The following CPA3 variants were observed in gnomAD, a reference collection of about 807,000 sequenced individuals.
The protein encoded by CPA3 is carboxypeptidase A3.
A neutral mutation model predicts 55.8 loss-of-function variants in CPA3; 52 were observed. That is an observed-to-expected ratio of 0.93 (90% CI 0.75 to 1.17). The LOEUF (loss-of-function observed/expected upper bound fraction) is 1.17, where lower values mean the gene tolerates loss of function less well. Among genes scored for constraint, CPA3 ranks in the 50% most tolerant of loss-of-function variants. The pLI is 0.00. For synonymous variants in CPA3, 179 were observed against 171.2 expected (o/e 1.05, Z -0.36); for missense variants, 547 against 509.1 (o/e 1.07, Z -0.72).
At chr3:148,869,714 C>A (rs564926070) in intron 3 of CPA3, among the ~76,000 whole-genome samples, 1 of 152,142 alleles carries the variant, frequency 6.6e-6, no homozygotes, top group Admixed American at 6.5e-5. Flanking sequence ...GAGCAGCAAC[C>A]ATGGGCCATG....
intron 3 of CPA3, among the ~76,000 whole-genome samples, chr3:148,874,605 A>G (rs1044912723): frequency 3.3e-5 from 5 of 152,234 alleles, no homozygotes; most frequent in African/African-American, 1.2e-4. Flanking sequence ...GATATGATGT[A>G]CATAATGATG....
intron 6 of CPA3, among the ~76,000 whole-genome samples, chr3:148,880,335 CTTT>C (rs35154297): frequency 2.2e-5 from 3 of 136,206 alleles, no homozygotes. Context: ...TCACTTTTTT[CTTT>C]TTTTTTTTTT....
chr3:148,866,376 T>C (rs1246053064), intron 2 of CPA3, among the ~76,000 whole-genome samples: 1 of 152,156 alleles, frequency 6.6e-6, no homozygotes, highest in Non-Finnish European at 1.5e-5. Flanking sequence ...TCACTCTACC[T>C]CTTGCAAGGA....
chr3:148,866,483 G>A (rs1713903894), intron 2 of CPA3, among the ~76,000 whole-genome samples: 2 of 152,300 alleles, frequency 1.3e-5, no homozygotes, highest in South Asian at 4.1e-4. Context: ...TCTAAAACTT[G>A]ACAATTGCAT....
At position 148,865,325 on chromosome 3, in the gene CPA3, T is replaced by C; in HGVS notation, c.18T>C (p.Pro6=). 1 of 1,614,176 alleles carries C rather than the reference T, an allele frequency of 6.2e-7. No homozygotes were observed. Among genetic ancestry groups the C allele is most frequent in the Admixed American group, 1.7e-5 (1 of 60,026 alleles). ...GAAGAACCATGAGGCTCATCCTGCCTGTGGGTTTGATTGCTACCACTCTTG... is the reference window on the plus strand; with the variant it reads ...GAAGAACCATGAGGCTCATCCTGCCCGTGGGTTTGATTGCTACCACTCTTG... MRLIL[P]VGLIATTLAI... is the part of the protein sequence containing the mutation. Residue 6 remains proline (P), a synonymous_variant, in exon 1 of 11, where the codon CCT becomes CCC. Transcript: ENST00000296046.
At chr3:148,868,865 G>T in intron 2 of CPA3, 50 bp from the exon 3 acceptor site, 1 of 1,592,696 alleles carries the variant, frequency 6.3e-7, no homozygotes. Context: ...TAATCAATAA[G>T]TGTTGGGTAA....
chr3:148,894,364 A>G (rs1056566491), intron 10 of CPA3, among the ~76,000 whole-genome samples: 3 of 152,068 alleles, frequency 2.0e-5, no homozygotes, highest in Non-Finnish European at 2.9e-5. Flanking sequence ...AAACTAAGCA[A>G]GTGAGACTAT....
At chr3:148,867,341 C>T (rs1202925124) in intron 2 of CPA3, among the ~76,000 whole-genome samples, 1 of 152,244 alleles carries the variant, frequency 6.6e-6, no homozygotes, top group Non-Finnish European at 1.5e-5. Context: ...GTTTTGGCTG[C>T]TCCTTGTGCT....
At chr3:148,881,405 A>G (rs1714362232) in intron 6 of CPA3, 117 bp from the exon 7 acceptor site, 1 of 599,008 alleles carries the variant, frequency 1.7e-6, no homozygotes, top group African/African-American at 1.9e-5. Flanking sequence ...TAGGGAAAAT[A>G]TGCTTGAAAA....
chr3:148,886,207 T>TTTTCCCTAA, intron 10 of CPA3, 30 bp downstream of exon 10: 1 of 1,422,424 alleles, frequency 7.0e-7, no homozygotes, highest in African/African-American at 1.5e-5. Flanking sequence ...TACTGAGCCC[T>TTTTCCCTAA]TTTCCCTAAT....
At chr3:148,888,242 A>G (rs1158651598) in intron 10 of CPA3, among the ~76,000 whole-genome samples, 1 of 152,254 alleles carries the variant, frequency 6.6e-6, no homozygotes, top group Non-Finnish European at 1.5e-5. Flanking sequence ...AAAATGCCGG[A>G]ATCAACATAT....
chr3:148,870,882 A>AGG (rs1714046106), intron 3 of CPA3, among the ~76,000 whole-genome samples: 1 of 152,176 alleles, frequency 6.6e-6, no homozygotes, highest in Non-Finnish European at 1.5e-5. Context: ...TATCTTAAAT[A>AGG]ACCCCTGGTT....
intron 5 of CPA3, 62 bp downstream of exon 5, chr3:148,878,810 A>T: frequency 1.0e-6 from 1 of 967,504 alleles, no homozygotes; most frequent in Non-Finnish European, 1.6e-6. Context: ...TTTAAAAGTT[A>T]CTTTGTAACA....
At chr3:148,874,611 T>C (rs1714161219) in intron 3 of CPA3, among the ~76,000 whole-genome samples, 1 of 152,170 alleles carries the variant, frequency 6.6e-6, no homozygotes, top group Admixed American at 6.5e-5. Context: ...ATGTACATAA[T>C]GATGTGCTTG....
chr3:148,895,642 T>C (rs1465846928), intron 10 of CPA3, among the ~76,000 whole-genome samples: 1 of 152,204 alleles, frequency 6.6e-6, no homozygotes, highest in Non-Finnish European at 1.5e-5. Context: ...GTTTAATAAA[T>C]ATTTGGTGAC....
chr3:148,878,481 T>A lies in CPA3; in HGVS notation c.310T>A (p.Phe104Ile), dbSNP rs759608831. ...TCTACAAGAAGAGATTGAGAAACAG[T>A]TTGATGTTAAAGAAGATATCCCAGG... The part of the protein sequence containing the change: ...HDLQEEIEKQ[F>I]DVKEDIPGRH... Residue 104 changes from phenylalanine to isoleucine, a missense_variant, in exon 4 of 11, where the codon TTT becomes ATT. Physicochemically the swap from Phe to Ile is conservative, Grantham distance 21. Transcript: ENST00000296046. The A allele has an allele frequency of 4.3e-6, 7 of 1,613,224 alleles. No homozygotes were observed. In the South Asian group the frequency reaches 6.6e-5, roughly 15 times the overall value.
chr3:148,895,110 A>G (rs1714788672), intron 10 of CPA3, among the ~76,000 whole-genome samples: 1 of 152,182 alleles, frequency 6.6e-6, no homozygotes, highest in Admixed American at 6.5e-5. Context: ...AATCCAGATT[A>G]ACAAACCTAA....
intron 6 of CPA3, 116 bp from the exon 7 acceptor site, chr3:148,881,406 T>C (rs138771082): frequency 1.1e-4 from 65 of 601,914 alleles, no homozygotes; most frequent in Non-Finnish European, 1.7e-4. Context: ...AGGGAAAATA[T>C]GCTTGAAAAC....
chr3:148,865,391 T>G lies in CPA3; in HGVS notation c.68+16T>G. 6.2e-7 allele frequency: 1 copy of G among 1,614,062 alleles called. No individual in the cohort carries two copies. The highest frequency in any genetic ancestry group is 8.5e-7 in the Non-Finnish European group (1 of 1,179,946). On this transcript the variant is annotated intron_variant, in intron 1 of 10. Transcript: ENST00000296046. Reference sequence around the variant, plus strand: ...GCTTTGACAGGTAAATCTTACTTCCTGTGTTCCAGTCTCTGTGTAGAAGAG... The same window carrying G: ...GCTTTGACAGGTAAATCTTACTTCCGGTGTTCCAGTCTCTGTGTAGAAGAG...
Sources: allele counts gnomAD v4.1 joint callset (sites outside exome capture counted in the v4.1 genomes callset), GRCh38; gene constraint gnomAD v4.1.1; transcripts MANE v1.5; gene names NCBI Gene and HGNC (gene_info 2026-07-23, HGNC 2026-07-21).